Variants in KLF13 observed in about 807,000 individuals in gnomAD.
KLF13 encodes KLF transcription factor 13.
KLF13 carries 8 observed loss-of-function variants against 16.7 expected under a neutral mutation model. The observed-to-expected ratio is 0.48, with a 90% CI of 0.28 to 0.87. The LOEUF (loss-of-function observed/expected upper bound fraction) is 0.87, where lower values mean the gene tolerates loss of function less well. Ranked by LOEUF, KLF13 falls within the 40% of genes least tolerant of loss-of-function variation. The pLI, the probability that KLF13 is intolerant of heterozygous loss-of-function variation, is 0.10. For synonymous variants in KLF13, 245 were observed against 208.4 expected (o/e 1.18, Z -1.51); for missense variants, 447 against 452.2 (o/e 0.99, Z 0.10).
At chr15:31,431,531 C>A (rs2040471453) in intron 1 of KLF13, among the ~76,000 whole-genome samples, 1 of 152,044 alleles carries the variant, frequency 6.6e-6, no homozygotes, top group Non-Finnish European at 1.5e-5. Flanking sequence ...GTGGCGTGCT[C>A]TCGGCTCACT....
At position 31,327,684 on chromosome 15, in the gene KLF13, G is replaced by A. The variant is rs777199716; in HGVS notation, c.472G>A (p.Ala158Thr). The A allele has an allele frequency of 6.6e-7, 1 of 1,523,870 alleles. No individual in the cohort carries two copies. The highest frequency in any genetic ancestry group is 1.2e-5 in the South Asian group (1 of 84,280). The allele number at this position is 1,523,870 out of a possible 1,614,324, so 94.4% of individuals were successfully genotyped here. A position where few individuals can be genotyped will look rare whatever the true frequency, so the allele number is the denominator to read the frequency against. ...AAGGGTCCGGCGGGGCCGAAGTCGC[G>A]CCGACCTCGAGTCCCCGCAGAGGAA... Reference protein sequence around the residue: ...RQRVRRGRSRADLESPQRKHK... With the variant: ...RQRVRRGRSRTDLESPQRKHK... Residue 158 changes from alanine to threonine, a missense_variant, in exon 1 of 2, where the codon GCC becomes ACC. Ala to Thr is a moderately conservative substitution (Grantham distance 58). Around this residue, in one of 2 missense-constraint regions of KLF13, gnomAD observed 359 missense variants for 282.8 expected, o/e 1.27. Coordinates refer to ENST00000307145, the MANE Select transcript of KLF13 (RefSeq NM_015995.4).
intron 1 of KLF13, among the ~76,000 whole-genome samples, chr15:31,356,676 A>AT (rs1395160966): frequency 6.6e-6 from 1 of 152,220 alleles, no homozygotes; most frequent in Non-Finnish European, 1.5e-5. Flanking sequence ...TCTGAGGTTG[A>AT]TTCACGTTTC....
chr15:31,352,961 TATGCAGCCACC>T (rs1298141192), intron 1 of KLF13, among the ~76,000 whole-genome samples: 1 of 152,130 alleles, frequency 6.6e-6, no homozygotes, highest in Non-Finnish European at 1.5e-5. Flanking sequence ...TCCCCGTCTG[TATGCAGCCACC>T]ATGCAGCCCA....
intron 1 of KLF13, among the ~76,000 whole-genome samples, chr15:31,386,065 C>T (rs550810425): frequency 2.6e-5 from 4 of 152,344 alleles, no homozygotes; most frequent in African/African-American, 9.6e-5. Flanking sequence ...TCAAACCAGC[C>T]ACAACATTCC....
chr15:31,419,545 T>A (rs2040296820), intron 1 of KLF13, among the ~76,000 whole-genome samples: 1 of 151,744 alleles, frequency 6.6e-6, no homozygotes, highest in Non-Finnish European at 1.5e-5. Flanking sequence ...GCTAGAAGGG[T>A]TCAATAGACA....
intron 1 of KLF13, among the ~76,000 whole-genome samples, chr15:31,364,412 G>T (rs547190159): frequency 6.6e-6 from 1 of 152,228 alleles, no homozygotes; most frequent in Non-Finnish European, 1.5e-5. Flanking sequence ...AGTAGTGTGT[G>T]ATCAGCGGCA....
intron 1 of KLF13, among the ~76,000 whole-genome samples, chr15:31,421,403 T>C (rs2040321583): frequency 6.6e-6 from 1 of 152,202 alleles, no homozygotes; most frequent in South Asian, 2.1e-4. Context: ...ATAAATCACA[T>C]TTAATCCTGG....
intron 1 of KLF13, among the ~76,000 whole-genome samples, chr15:31,371,055 G>A (rs2039548173): frequency 1.3e-5 from 2 of 152,150 alleles, no homozygotes; most frequent in South Asian, 4.1e-4. Context: ...ATGAGACCGT[G>A]TAGGAAGGGC....
chr15:31,406,472 A>G (rs1346528227), downstream of KLF13, among the ~76,000 whole-genome samples: 1 of 152,192 alleles, frequency 6.6e-6, no homozygotes. Context: ...GCTTCAGCCT[A>G]GGTGACAGAG....
rs2039773499 is a variant in KLF13 at position 31,384,733 on chromosome 15, C to G, written n.224-50637C>G. ...ATGTCCACACAAGGACAGACACGCCCAAAGGCTGTCCACACGTTGGTGCAA... is the reference window on the plus strand; with the variant it reads ...ATGTCCACACAAGGACAGACACGCCGAAAGGCTGTCCACACGTTGGTGCAA... On this transcript the variant is annotated intron_variant and non_coding_transcript_variant, in intron 1 of 1. Coordinates refer to the KLF13 transcript ENST00000558921. Among the ~76,000 whole-genome samples, 3 of 152,150 alleles carry G rather than the reference C, an allele frequency of 2.0e-5. No homozygotes were observed. The South Asian group carries it at 6.2e-4, about 32-fold the overall frequency.
rs1456503664 is a variant in KLF13, at chr15:31,339,896, C to T, written c.577+12107C>T. On this transcript the variant is annotated intron_variant, in intron 1 of 1. Coordinates refer to ENST00000307145, the MANE Select transcript of KLF13 (RefSeq NM_015995.4). ...TGCAGCAGCGGGCTCTCGTGCAGGC[C>T]TGACCCTTCACCTTGGATTTCACTG... 1.0e-5 allele frequency: 7 copies of T among 701,274 alleles called. No homozygotes were observed. The East Asian group carries it at 1.9e-4, about 19-fold the overall frequency. The allele number at this position is 701,274 out of a possible 1,614,324, so 43.4% of individuals were successfully genotyped here. A position where few individuals can be genotyped will look rare whatever the true frequency, so the allele number is the denominator to read the frequency against.
In KLF13 at chr15:31,383,639, G is replaced by A. The variant is rs1004283340; in HGVS notation, n.224-51731G>A. ...AGATGGGCCGGGCGCGGTGGCTCAC[G>A]CCTATAATCCCAGCACTTTGGGAGG... On this transcript the variant is annotated intron_variant and non_coding_transcript_variant, in intron 1 of 1. Coordinates refer to the KLF13 transcript ENST00000558921. 6.3e-4 allele frequency among the ~76,000 whole-genome samples: 96 copies of A among 152,342 alleles called. 1 individual carries two copies. The highest frequency in any genetic ancestry group is 1.6e-3 in the African/African-American group (67 of 41,594).
chr15:31,397,879 G>GT lies in KLF13; in HGVS notation n.529+4188_529+4189insT, dbSNP rs1299651595. Among the ~76,000 whole-genome samples the GT allele has an allele frequency of 1.3e-4, 19 of 149,558 alleles. 1 individual carries two copies. The highest frequency in any genetic ancestry group is 4.0e-4 in the African/African-American group (16 of 39,520). On this transcript the variant is annotated intron_variant and non_coding_transcript_variant, in intron 2 of 2. Coordinates refer to the KLF13 transcript ENST00000500533. ...CTGGTCTTTGGGGGTGGCGGCGGGG[G>GT]GGGTGGTGATCCACTCTCCCTGGGG...
At chr15:31,411,477 GCT>G (rs1174371204) in intron 1 of KLF13, among the ~76,000 whole-genome samples, 1 of 149,844 alleles carries the variant, frequency 6.7e-6, no homozygotes, top group Non-Finnish European at 1.5e-5. Context: ...CTCACTGCAA[GCT>G]CTGCCTCTCA....
intron 1 of KLF13, among the ~76,000 whole-genome samples, chr15:31,410,330 A>T (rs987585714): frequency 2.6e-5 from 4 of 152,100 alleles, no homozygotes; most frequent in Non-Finnish European, 4.4e-5. Flanking sequence ...AAAAGGAAAG[A>T]TAAAAAAGTA....
At chr15:31,413,203 C>CAA (rs1341640127) in intron 1 of KLF13, among the ~76,000 whole-genome samples, 7 of 130,234 alleles carry the variant, frequency 5.4e-5, no homozygotes, top group African/African-American at 1.2e-4. Flanking sequence ...AAAAAAAAAA[C>CAA]AAAAAACAAA....
chr15:31,424,906 A>ACACACACACACACACACAC (rs1566849363), intron 1 of KLF13, among the ~76,000 whole-genome samples: 1 of 48,520 alleles, frequency 2.1e-5, no homozygotes, highest in African/African-American at 7.3e-5. Flanking sequence ...CACACACACA[A>ACACACACACACACACACAC]AGCTCTTAGA....
intron 1 of KLF13, among the ~76,000 whole-genome samples, chr15:31,333,579 GA>G (rs922769091): frequency 1.3e-5 from 2 of 152,028 alleles, no homozygotes; most frequent in African/African-American, 4.8e-5. Flanking sequence ...TCTAAAGAAA[GA>G]AAAATTAATT....
At chr15:31,381,171 CAA>C (rs398043115), downstream of KLF13, among the ~76,000 whole-genome samples, 7 of 121,476 alleles carry the variant, frequency 5.8e-5, no homozygotes, top group African/African-American at 6.3e-5. Context: ...GACTCTGTCT[CAA>C]AAAAAAAAAA....
Sources: gnomAD v4.1 joint callset for allele counts (sites outside exome capture counted in the v4.1 genomes callset) on GRCh38, gnomAD v4.1.1 for gene constraint, gnomAD v4.1.1 regional missense constraint, MANE v1.5 for transcripts, NCBI Gene and HGNC (gene_info 2026-07-23, HGNC 2026-07-21) for gene names.